The following PTK2 variants were observed in gnomAD, a reference collection of about 807,000 sequenced individuals.
PTK2 encodes protein tyrosine kinase 2, also known as focal adhesion kinase 1.
Under a neutral mutation model 150.1 loss-of-function variants are expected in PTK2, and 45 were observed. That is an observed-to-expected ratio of 0.30 (90% confidence interval 0.24 to 0.38). The LOEUF (loss-of-function observed/expected upper bound fraction) is 0.38. Among genes scored for constraint, PTK2 ranks in the 10% least tolerant of loss-of-function variants. The pLI, the probability that PTK2 is intolerant of heterozygous loss-of-function variation, is 1.00. For missense variants in PTK2, 919 were observed against 1,307.3 expected (o/e 0.70, Z 4.58); for synonymous variants, 432 against 449.2 (o/e 0.96, Z 0.48).
At chr8:140,977,592 A>G (rs2100189746) in intron 1 of PTK2, among the ~76,000 whole-genome samples, 1 of 150,060 alleles carries the variant, frequency 6.7e-6, no homozygotes, top group East Asian at 2.0e-4. Flanking sequence ...ACTCCCCTCC[A>G]GCCTGGGCGA....
At chr8:140,697,761 T>C (rs1230563404) in intron 26 of PTK2, among the ~76,000 whole-genome samples, 11 of 152,048 alleles carry the variant, frequency 7.2e-5, no homozygotes. Flanking sequence ...TTCCTTTGTA[T>C]GTCTTGTAAT....
chr8:140,830,116 T>C lies in PTK2; in HGVS notation c.648+356A>G, dbSNP rs181414377. 8.6e-5 allele frequency among the ~76,000 whole-genome samples: 13 copies of C among 151,792 alleles called. No individual in the cohort carries two copies. In the East Asian group the frequency reaches 2.5e-3, roughly 29 times the overall value. ...ACACACACACACACACACACAATAT[T>C]AATGATTCCACCACCACGATTATTT... On this transcript the variant is annotated intron_variant, in intron 8 of 31. Coordinates refer to ENST00000522684, the Ensembl canonical transcript of PTK2.
chr8:140,867,806 C>T (rs928646953), intron 4 of PTK2, among the ~76,000 whole-genome samples: 1 of 152,186 alleles, frequency 6.6e-6, no homozygotes, highest in Non-Finnish European at 1.5e-5. Flanking sequence ...ATATTTCACA[C>T]AAAACTCTAC....
intron 24 of PTK2, 57 bp downstream of exon 27, chr8:140,706,062 C>A: frequency 7.1e-7 from 1 of 1,401,346 alleles, no homozygotes; most frequent in Non-Finnish European, 1.0e-6. Context: ...TACCGCTCTA[C>A]CCCAAAAGCG....
Position 140,770,856 on chromosome 8 carries a change from A to C in PTK2, c.1178-6566T>G, listed in dbSNP as rs890394540. On this transcript the variant is annotated intron_variant, in intron 14 of 31. Coordinates refer to ENST00000522684, the Ensembl canonical transcript of PTK2. ...AATAGAAACAAATTATTTCAATACA[A>C]AAGACAACTTTTGTTACATTTAAAG... 4.5e-6 allele frequency: 4 copies of C among 888,098 alleles called. No individual in the cohort carries two copies. The African/African-American group carries it at 5.3e-5, about 12-fold the overall frequency. 55.0% of individuals were successfully genotyped at this position (888,098 alleles called of 1,614,324 possible).
intron 14 of PTK2, among the ~76,000 whole-genome samples, chr8:140,779,148 G>A (rs943842775): frequency 2.0e-5 from 3 of 151,356 alleles, no homozygotes; most frequent in Non-Finnish European, 4.4e-5. Flanking sequence ...TGTAATCCCA[G>A]CTACTCGGGA....
At chr8:140,666,481 C>T (rs61496960) in intron 30 of PTK2, among the ~76,000 whole-genome samples, 5,297 of 151,462 alleles carry the variant, frequency 0.035, 288 homozygotes, top group African/African-American at 0.12. Context: ...GATACACAAA[C>T]GCTCAAAAAG....
At chr8:140,682,194 C>A (rs1471542826) in intron 27 of PTK2, among the ~76,000 whole-genome samples, 1 of 152,068 alleles carries the variant, frequency 6.6e-6, no homozygotes, top group Admixed American at 6.6e-5. Context: ...CCAGCCTGGC[C>A]AACATTGTGA....
intron 2 of PTK2, among the ~76,000 whole-genome samples, chr8:140,915,285 T>G (rs2154608096): frequency 6.6e-6 from 1 of 152,214 alleles, no homozygotes; most frequent in Non-Finnish European, 1.5e-5. Flanking sequence ...TTGATCGGGC[T>G]GGGTGTGGTG....
At chr8:140,779,718 AG>A (rs1456862690) in intron 14 of PTK2, among the ~76,000 whole-genome samples, 1 of 152,220 alleles carries the variant, frequency 6.6e-6, no homozygotes, top group East Asian at 1.9e-4. Context: ...GGGCTTCTGG[AG>A]GAACAGGTAT....
intron 9 of PTK2, 79 bp downstream of exon 9, chr8:140,818,801 C>T: frequency 1.4e-6 from 2 of 1,440,270 alleles, no homozygotes; most frequent in Non-Finnish European, 1.9e-6. Flanking sequence ...ATTTTTTCAT[C>T]AGAAATTTAG....
intron 30 of PTK2, among the ~76,000 whole-genome samples, chr8:140,667,481 TA>T: frequency 6.7e-6 from 1 of 149,048 alleles, no homozygotes; most frequent in Non-Finnish European, 1.5e-5. Context: ...TTTTTTTTTT[TA>T]AAGAGATGGG....
At chr8:140,693,731 AC>A (rs2100024660) in intron 26 of PTK2, among the ~76,000 whole-genome samples, 1 of 152,000 alleles carries the variant, frequency 6.6e-6, no homozygotes, top group African/African-American at 2.4e-5. Flanking sequence ...CAGAGGAGGG[AC>A]TCCTGACCCA....
chr8:140,709,094 G>C (rs1247318465), intron 23 of PTK2, among the ~76,000 whole-genome samples: 1 of 151,966 alleles, frequency 6.6e-6, no homozygotes, highest in African/African-American at 2.4e-5. Context: ...CTATTTTACA[G>C]TCTCAAATAA....
At chr8:140,819,018 G>C in exon 9 of PTK2, 1 of 1,610,548 alleles carries the variant, frequency 6.2e-7, no homozygotes, top group Non-Finnish European at 8.5e-7. Flanking sequence ...TTAGTGTTTT[G>C]GCCTGCATGA....
chr8:140,789,676 C>A, intron 13 of PTK2, 150 bp from the exon 14 acceptor site: 1 of 656,390 alleles, frequency 1.5e-6, no homozygotes, highest in Non-Finnish European at 2.6e-6. Context: ...ATTAAAATAG[C>A]CAGGCTGCTT....
At chr8:140,946,995 T>C (rs1226555634) in intron 1 of PTK2, among the ~76,000 whole-genome samples, 1 of 152,206 alleles carries the variant, frequency 6.6e-6, no homozygotes, top group Non-Finnish European at 1.5e-5. Context: ...CATGATTCAA[T>C]ACAAATATTA....
chr8:140,890,769 T>C, exon 3 of PTK2: 2 of 1,613,186 alleles, frequency 1.2e-6, no homozygotes, highest in African/African-American at 2.7e-5. Context: ...TCTGTCATAT[T>C]CTGTTAAAAG....
In PTK2 at chr8:140,744,824, C is replaced by T. The variant is rs530551372; in HGVS notation, c.1519-57G>A. On this transcript the variant is annotated intron_variant, in intron 18 of 31. Transcript: ENST00000522684. Reference sequence around the variant, plus strand: ...AAAAAAAGAATTAGTGGCAGTGAATCGAAATCAAAAGCAAAAAAGCTACAT... The same window carrying T: ...AAAAAAAGAATTAGTGGCAGTGAATTGAAATCAAAAGCAAAAAAGCTACAT... 9.2e-5 allele frequency: 94 copies of T among 1,021,172 alleles called. 3 individuals carry two copies. Among genetic ancestry groups the T allele is most frequent in the African/African-American group, 8.1e-5 (5 of 61,454 alleles). 63.3% of individuals were successfully genotyped at this position (1,021,172 alleles called of 1,614,324 possible). A position where few individuals can be genotyped will look rare whatever the true frequency, so the allele number is the denominator to read the frequency against.
Sources: gnomAD v4.1 joint callset for allele counts (sites outside exome capture counted in the v4.1 genomes callset) on GRCh38, gnomAD v4.1.1 for gene constraint, MANE v1.5 for transcripts, NCBI Gene and HGNC (gene_info 2026-07-23, HGNC 2026-07-21) for gene names.